KCNH1: variants seen among roughly 807,000 people sequenced by gnomAD.
KCNH1 encodes the protein voltage-gated delayed rectifier potassium channel KCNH1.
KCNH1 carries 27 observed loss-of-function variants against 69.2 expected under a neutral mutation model. The ratio of observed to expected loss-of-function variants is 0.39; its 90% CI spans 0.29 to 0.54. The LOEUF (loss-of-function observed/expected upper bound fraction) is 0.54. Ranked by LOEUF, KCNH1 falls within the 20% of genes least tolerant of loss-of-function variation. The pLI is 0.68. For synonymous variants in KCNH1, 456 were observed against 487.7 expected, an observed-to-expected ratio of 0.93 and a Z score of 0.86; for missense variants, 798 against 1,261.6, an observed-to-expected ratio of 0.63 and a Z score of 5.57.
chr1:210,996,516 T>A (rs1689043801), intron 6 of KCNH1, among the ~76,000 whole-genome samples: 1 of 152,114 alleles, frequency 6.6e-6, no homozygotes, highest in Non-Finnish European at 1.5e-5. Context: ...CCACCACAGC[T>A]CAAGGAGGCC....
chr1:210,902,022 T>C (rs1687006541), intron 7 of KCNH1, among the ~76,000 whole-genome samples: 1 of 152,268 alleles, frequency 6.6e-6, no homozygotes, highest in East Asian at 1.9e-4. Context: ...CTAAGGATGC[T>C]GGGCTACATG....
At chr1:210,879,824 A>G (rs1380293375) in intron 7 of KCNH1, among the ~76,000 whole-genome samples, 1 of 152,132 alleles carries the variant, frequency 6.6e-6, no homozygotes, top group Non-Finnish European at 1.5e-5. Context: ...TGCAGATTAC[A>G]TAATTGTATA....
chr1:210,972,819 T>A (rs1172901391), intron 6 of KCNH1, among the ~76,000 whole-genome samples: 1 of 151,728 alleles, frequency 6.6e-6, no homozygotes, highest in Non-Finnish European at 1.5e-5. Context: ...CAGCCTGAAG[T>A]CTTAAGAAAA....
intron 10 of KCNH1, among the ~76,000 whole-genome samples, chr1:210,737,809 C>T (rs1682916153): frequency 6.6e-6 from 1 of 152,216 alleles, no homozygotes; most frequent in Admixed American, 6.5e-5. Context: ...CCATTGCTAC[C>T]AACTTAGACT....
chr1:210,758,908 TA>T (rs1683454606), intron 10 of KCNH1, among the ~76,000 whole-genome samples: 1 of 152,162 alleles, frequency 6.6e-6, no homozygotes, highest in African/African-American at 2.4e-5. Flanking sequence ...CTCTTACTCT[TA>T]AGCCACTTAC....
At chr1:211,070,430 A>AAAAC (rs1553376624) in intron 5 of KCNH1, among the ~76,000 whole-genome samples, 30 of 137,164 alleles carry the variant, frequency 2.2e-4, no homozygotes, top group African/African-American at 7.8e-4. Context: ...AAAAAAAAAA[A>AAAAC]ACACACACAC....
At chr1:210,833,051 C>G (rs989709724) in intron 7 of KCNH1, among the ~76,000 whole-genome samples, 1 of 151,850 alleles carries the variant, frequency 6.6e-6, no homozygotes, top group Non-Finnish European at 1.5e-5. Context: ...CACACCAGAT[C>G]ATTAATAATC....
At chr1:210,721,366 G>A (rs1682452535) in intron 10 of KCNH1, among the ~76,000 whole-genome samples, 1 of 152,190 alleles carries the variant, frequency 6.6e-6, no homozygotes, top group Non-Finnish European at 1.5e-5. Flanking sequence ...CAGCGCAAGA[G>A]TTCTGCTCAC....
intron 9 of KCNH1, among the ~76,000 whole-genome samples, chr1:210,786,146 C>T (rs1192253998): frequency 6.6e-6 from 1 of 152,206 alleles, no homozygotes; most frequent in Non-Finnish European, 1.5e-5. Context: ...TCCTCACCCC[C>T]ATACTCCACT....
chr1:210,891,121 C>G (rs574252316), intron 7 of KCNH1, among the ~76,000 whole-genome samples: 100 of 152,142 alleles, frequency 6.6e-4, no homozygotes, highest in Non-Finnish European at 8.8e-4. Flanking sequence ...TTCACAAAAG[C>G]AAAGACTTGG....
At chr1:210,855,062 T>C (rs775381783) in intron 7 of KCNH1, among the ~76,000 whole-genome samples, 6 of 152,160 alleles carry the variant, frequency 3.9e-5, no homozygotes, top group Non-Finnish European at 7.3e-5. Context: ...AAATGTTTAG[T>C]GATGAAGGAG....
chr1:210,954,092 T>C (rs138369445), intron 6 of KCNH1, among the ~76,000 whole-genome samples: 1,835 of 152,016 alleles, frequency 0.012, 44 homozygotes, highest in African/African-American at 0.042. Flanking sequence ...TGTGTGATGT[T>C]CCCCGCCTTG....
chr1:211,076,565 T>C (rs1385764143), intron 5 of KCNH1, among the ~76,000 whole-genome samples: 1 of 152,018 alleles, frequency 6.6e-6, no homozygotes, highest in Non-Finnish European at 1.5e-5. Context: ...AGCATCAACA[T>C]CAACAAAAAG....
chr1:211,071,081 G>A (rs900074438), intron 5 of KCNH1, among the ~76,000 whole-genome samples: 2 of 152,042 alleles, frequency 1.3e-5, no homozygotes, highest in African/African-American at 2.4e-5. Context: ...CAAAGCTACA[G>A]AAAATAAAAT....
chr1:211,004,019 G>A (rs56129158), intron 6 of KCNH1, among the ~76,000 whole-genome samples: 3,559 of 152,116 alleles, frequency 0.023, 146 homozygotes, highest in African/African-American at 0.082. Context: ...CGTGAACCCC[G>A]GGGGACGGAG....
At chr1:211,083,914 T>C (rs1275589363) in intron 4 of KCNH1, among the ~76,000 whole-genome samples, 2 of 152,234 alleles carry the variant, frequency 1.3e-5, no homozygotes, top group East Asian at 1.9e-4. Flanking sequence ...AATGTCCATA[T>C]TTTATTTTTC....
chr1:210,893,943 G>C (rs1268902937), intron 7 of KCNH1, among the ~76,000 whole-genome samples: 1 of 152,006 alleles, frequency 6.6e-6, no homozygotes, highest in Non-Finnish European at 1.5e-5. Context: ...CTAGAAGCTT[G>C]ATTTGAACAA....
chr1:210,862,810 A>G (rs937323989), intron 7 of KCNH1, among the ~76,000 whole-genome samples: 2 of 152,196 alleles, frequency 1.3e-5, no homozygotes, highest in African/African-American at 4.8e-5. Context: ...TGTTCAGGAA[A>G]TGGAGGAAAG....
At chr1:210,952,135 C>T (rs1442599913) in intron 6 of KCNH1, among the ~76,000 whole-genome samples, 1 of 152,180 alleles carries the variant, frequency 6.6e-6, no homozygotes, top group African/African-American at 2.4e-5. Flanking sequence ...CTCTCTCCCT[C>T]AGCACCTACT....
Sources: allele counts gnomAD v4.1 joint callset (sites outside exome capture counted in the v4.1 genomes callset), GRCh38; gene constraint gnomAD v4.1.1; transcripts MANE v1.5; gene names NCBI Gene and HGNC (gene_info 2026-07-23, HGNC 2026-07-21).